CCDC149: variants seen among roughly 807,000 people sequenced by gnomAD.
CCDC149 encodes coiled-coil domain containing 149.
Under a neutral mutation model 59.9 loss-of-function variants are expected in CCDC149, and 45 were observed. The ratio of observed to expected loss-of-function variants is 0.75; its 90% CI spans 0.59 to 0.96. The LOEUF (loss-of-function observed/expected upper bound fraction) is 0.96, where lower values mean the gene tolerates loss of function less well. Among genes scored for constraint, CCDC149 ranks in the 40% least tolerant of loss-of-function variants. The pLI, the probability that CCDC149 is intolerant of heterozygous loss-of-function variation, is 0.00. For synonymous variants in CCDC149, 245 were observed against 260.6 expected (o/e 0.94, Z 0.58); for missense variants, 584 against 664.7 (o/e 0.88, Z 1.33).
intron 1 of CCDC149, among the ~76,000 whole-genome samples, chr4:24,939,167 A>G (rs1722874593): frequency 6.6e-6 from 1 of 152,208 alleles, no homozygotes; most frequent in Non-Finnish European, 1.5e-5. Flanking sequence ...CTGACACCTC[A>G]CACGGCTGGG....
chr4:24,846,504 C>A (rs1717297872), intron 4 of CCDC149, among the ~76,000 whole-genome samples: 1 of 152,202 alleles, frequency 6.6e-6, no homozygotes, highest in African/African-American at 2.4e-5. Context: ...GCTGAGCACT[C>A]CTTTTTAACG....
chr4:24,808,941 TTTGGCTCCCTGTGCAGGGCAA>T, intron 12 of CCDC149, 122 bp from the exon 13 acceptor site: 1 of 944,604 alleles, frequency 1.1e-6, no homozygotes, highest in Admixed American at 2.9e-5. Context: ...GCAAGACTTT[TTTGGCTCCCTGTGCAGGGCAA>T]TGGAGCCAAA....
chr4:24,838,289 T>TAGAAAA lies in CCDC149; in HGVS notation c.373-23_373-18dup. The TAGAAAA allele has an allele frequency of 6.3e-7, 1 of 1,589,940 alleles. No homozygotes were observed. ...CCTCAAGAGCTGCATTTTCCATTGG[T>TAGAAAA]AGAAAAAGAAAAAGGCACAGAGAAT... On this transcript the variant is annotated splice_polypyrimidine_tract_variant and intron_variant, in intron 4 of 12. Transcript: ENST00000635206.
At chr4:24,892,174 G>A (rs748671540) in intron 1 of CCDC149, among the ~76,000 whole-genome samples, 4 of 152,152 alleles carry the variant, frequency 2.6e-5, no homozygotes, top group South Asian at 2.1e-4. Context: ...AGTAAGACCC[G>A]GGGTGTGAGT....
chr4:24,862,596 T>C (rs1026256104), intron 3 of CCDC149, among the ~76,000 whole-genome samples: 1 of 152,234 alleles, frequency 6.6e-6, no homozygotes, highest in East Asian at 1.9e-4. Flanking sequence ...TTTGAAAACA[T>C]TTAATTGGTC....
chr4:24,881,088 C>T (rs1387385422), intron 1 of CCDC149, among the ~76,000 whole-genome samples: 1 of 152,212 alleles, frequency 6.6e-6, no homozygotes, highest in East Asian at 1.9e-4. Flanking sequence ...TTTCCAAAGA[C>T]TGTCTGTGGC....
chr4:24,825,228 G>T (rs1477452452), intron 9 of CCDC149, among the ~76,000 whole-genome samples: 2 of 152,202 alleles, frequency 1.3e-5, no homozygotes, highest in Non-Finnish European at 2.9e-5. Context: ...CGTCTGGTGG[G>T]AGACAGACCG....
chr4:24,910,424 G>A (rs1007716667), intron 1 of CCDC149, among the ~76,000 whole-genome samples: 4 of 152,052 alleles, frequency 2.6e-5, no homozygotes, highest in Non-Finnish European at 4.4e-5. Context: ...CTGGGGTTAG[G>A]TCTCGGATGC....
At chr4:24,970,734 C>T (rs528282616) in intron 1 of CCDC149, among the ~76,000 whole-genome samples, 1 of 152,242 alleles carries the variant, frequency 6.6e-6, no homozygotes, top group African/African-American at 2.4e-5. Context: ...GGATGTTGTA[C>T]CTGGGGGTGG....
intron 1 of CCDC149, among the ~76,000 whole-genome samples, chr4:24,922,736 G>A (rs1722333205): frequency 6.6e-6 from 1 of 152,100 alleles, no homozygotes; most frequent in Admixed American, 6.5e-5. Context: ...GGAAGGTATT[G>A]CCTTTGGAAC....
intron 12 of CCDC149, among the ~76,000 whole-genome samples, chr4:24,817,519 G>C (rs1282139653): frequency 3.9e-5 from 6 of 152,078 alleles, no homozygotes; most frequent in Admixed American, 6.5e-5. Flanking sequence ...TCTCAAACCT[G>C]TTGGCTCATC....
intron 4 of CCDC149, among the ~76,000 whole-genome samples, chr4:24,849,126 C>T (rs951793950): frequency 6.6e-6 from 1 of 152,058 alleles, no homozygotes. Flanking sequence ...CTTTTCTTAA[C>T]GCCCAGAAGA....
chr4:24,963,914 C>T (rs1209211533), intron 1 of CCDC149, among the ~76,000 whole-genome samples: 1 of 152,158 alleles, frequency 6.6e-6, no homozygotes, highest in Non-Finnish European at 1.5e-5. Flanking sequence ...ATAATCCTAG[C>T]ACTTTGGGAG....
At chr4:24,934,691 T>C (rs996575036) in intron 1 of CCDC149, among the ~76,000 whole-genome samples, 4 of 152,128 alleles carry the variant, frequency 2.6e-5, no homozygotes, top group African/African-American at 9.7e-5. Context: ...GGCACCTGAA[T>C]GAAGTGAGTG....
intron 1 of CCDC149, among the ~76,000 whole-genome samples, chr4:24,933,383 C>A (rs1191783567): frequency 2.6e-5 from 4 of 151,998 alleles, no homozygotes; most frequent in African/African-American, 9.7e-5. Context: ...TTTAAAAAAA[C>A]AAATGCCTGG....
At chr4:24,976,610 G>A (rs925259030) in intron 1 of CCDC149, among the ~76,000 whole-genome samples, 2 of 152,174 alleles carry the variant, frequency 1.3e-5, no homozygotes, top group Admixed American at 1.3e-4. Flanking sequence ...CTACTCAGGA[G>A]GCTGAGGCAG....
At chr4:24,836,295 C>T in intron 7 of CCDC149, 141 bp downstream of exon 7, 1 of 657,006 alleles carries the variant, frequency 1.5e-6, no homozygotes, top group East Asian at 2.6e-5. Context: ...ACTGGTTACC[C>T]CAGTTAAAGC....
At chr4:24,965,457 AG>A (rs1723766593) in intron 1 of CCDC149, among the ~76,000 whole-genome samples, 1 of 152,124 alleles carries the variant, frequency 6.6e-6, no homozygotes, top group African/African-American at 2.4e-5. Context: ...CTCTGACCAC[AG>A]TGGAATTAAA....
At chr4:24,817,607 T>C (rs988015055) in intron 12 of CCDC149, among the ~76,000 whole-genome samples, 3 of 151,966 alleles carry the variant, frequency 2.0e-5, no homozygotes, top group African/African-American at 7.2e-5. Context: ...AAGCAACAAC[T>C]ATGCATTATT....
Sources: gnomAD v4.1 joint callset for allele counts (sites outside exome capture counted in the v4.1 genomes callset) on GRCh38, gnomAD v4.1.1 for gene constraint, MANE v1.5 for transcripts, NCBI Gene and HGNC (gene_info 2026-07-23, HGNC 2026-07-21) for gene names.